Variants in RXRA observed in about 807,000 individuals in gnomAD.
The protein encoded by RXRA is retinoic acid receptor RXR-alpha.
A neutral mutation model predicts 44.5 loss-of-function variants in RXRA; 5 were observed. The ratio of observed to expected loss-of-function variants is 0.11; its 90% CI spans 0.06 to 0.24. The LOEUF (loss-of-function observed/expected upper bound fraction) is 0.24. Among genes scored for constraint, RXRA ranks in the 10% least tolerant of loss-of-function variants. RXRA has a pLI of 1.00. For missense variants in RXRA, 412 were observed against 646.5 expected (o/e 0.64, Z 3.93); for synonymous variants, 291 against 271.4 (o/e 1.07, Z -0.71).
At chr9:134,363,794 C>T (rs995644881) in intron 1 of RXRA, among the ~76,000 whole-genome samples, 7 of 152,158 alleles carry the variant, frequency 4.6e-5, no homozygotes, top group African/African-American at 1.4e-4. Context: ...GCCGGAGGTG[C>T]GACCTGAGCA....
chr9:134,398,876 C>T (rs1830919258), intron 1 of RXRA, among the ~76,000 whole-genome samples: 1 of 152,246 alleles, frequency 6.6e-6, no homozygotes, highest in Non-Finnish European at 1.5e-5. Context: ...GTTTGGGCTC[C>T]CTGCATGGCC....
rs1830418149 is a variant in RXRA at position 134,366,619 on chromosome 9, C to G, written c.29-35013C>G. On this transcript the variant is annotated intron_variant, in intron 1 of 9. Transcript: ENST00000481739. The surrounding 1 kb of genome is among the most constrained non-coding windows in gnomAD (Gnocchi z 5.9). ...GGGGCAGGGAGGAAGGGCCCCTCCACTAGTGGGCTTTGGCCTCCTCGTGAG... is the reference window on the plus strand; with the variant it reads ...GGGGCAGGGAGGAAGGGCCCCTCCAGTAGTGGGCTTTGGCCTCCTCGTGAG... Among the ~76,000 whole-genome samples the G allele has an allele frequency of 6.6e-6, 1 of 152,160 alleles. No homozygotes were observed. The highest frequency in any genetic ancestry group is 1.5e-5 in the Non-Finnish European group (1 of 68,000).
At position 134,424,227 on chromosome 9, in the gene RXRA, G is replaced by A. The variant is rs553777921; in HGVS notation, c.910+2422G>A. ...TGCAGCTGTCAGGTGGGGGCTCCCC[G>A]CAAGGCCCTTCCCTTAGCCCAGAGC... On this transcript the variant is annotated intron_variant, in intron 6 of 9. Transcript: ENST00000481739. 18 of 985,384 alleles carry A rather than the reference G, an allele frequency of 1.8e-5. No individual in the cohort carries two copies. The South Asian group carries it at 8.0e-4, about 44-fold the overall frequency. 61.0% of individuals were successfully genotyped at this position (985,384 alleles called of 1,614,324 possible). A position where few individuals can be genotyped will look rare whatever the true frequency, so the allele number is the denominator to read the frequency against.
rs1554749155 is a variant in RXRA, at chr9:134,349,143, C to T, written c.28+22484C>T. Among the ~76,000 whole-genome samples, 1 of 152,208 alleles carries T rather than the reference C, an allele frequency of 6.6e-6. No individual in the cohort carries two copies. The highest frequency in any genetic ancestry group is 1.5e-5 in the Non-Finnish European group (1 of 68,038). On this transcript the variant is annotated intron_variant, in intron 1 of 9. Coordinates refer to ENST00000481739, the MANE Select transcript of RXRA (RefSeq NM_002957.6). This position sits in a 1 kb window ranked among gnomAD's most constrained non-coding sequence, Gnocchi z 4.3. ...CGAGGGCCAGGAGGGGTCCTGAACA[C>T]TGCCCTGCCTCATGAGGGCCTGCAC...
chr9:134,352,936 T>G (rs1830239500), intron 1 of RXRA, among the ~76,000 whole-genome samples: 1 of 152,176 alleles, frequency 6.6e-6, no homozygotes, highest in Non-Finnish European at 1.5e-5. Context: ...TCTTCTCTCC[T>G]TGGGGACACT....
At chr9:134,432,892 A>C (rs1588310970) in intron 8 of RXRA, among the ~76,000 whole-genome samples, 1 of 152,166 alleles carries the variant, frequency 6.6e-6, no homozygotes, top group East Asian at 1.9e-4. Flanking sequence ...TCTTGGGGCC[A>C]CAGGGAGCCA....
chr9:134,364,122 C>T (rs1253732603), intron 1 of RXRA, among the ~76,000 whole-genome samples: 1 of 152,192 alleles, frequency 6.6e-6, no homozygotes, highest in Non-Finnish European at 1.5e-5. Flanking sequence ...CCTCCACAAC[C>T]GTGATGTTGC....
At chr9:134,388,973 C>G (rs1338218047) in intron 1 of RXRA, among the ~76,000 whole-genome samples, 1 of 152,178 alleles carries the variant, frequency 6.6e-6, no homozygotes, top group East Asian at 1.9e-4. Context: ...GTGCTGGATG[C>G]CCCAGAGGGC....
At chr9:134,393,263 A>T (rs73556208) in intron 1 of RXRA, among the ~76,000 whole-genome samples, 7,340 of 152,272 alleles carry the variant, frequency 0.048, 622 homozygotes, top group African/African-American at 0.17. Context: ...GCATGACACA[A>T]CCAGGAGGCT....
At chr9:134,415,470 T>TGGGAGGGG (rs1831218170) in intron 4 of RXRA, among the ~76,000 whole-genome samples, 6 of 7,920 alleles carry the variant, frequency 7.6e-4, no homozygotes, top group African/African-American at 2.3e-3. Context: ...AGCCAGAGGG[T>TGGGAGGGG]GGGAGGGTGG....
intron 6 of RXRA, chr9:134,425,487 C>T (rs77267056): frequency 0.088 from 86,699 of 982,640 alleles, 4,327 homozygotes; most frequent in African/African-American, 0.19. Flanking sequence ...GTGTTAGCTG[C>T]TCCAGCGGGG....
chr9:134,425,769 C>T lies in RXRA; in HGVS notation c.911-3339C>T, dbSNP rs554487016. On this transcript the variant is annotated intron_variant, in intron 6 of 9. Coordinates refer to ENST00000481739, the MANE Select transcript of RXRA (RefSeq NM_002957.6). ...GGCTCTTGTCACTGCCGCCCTGGGA[C>T]GGGATCCCCATCACAAGCCCCATGG... 6 of 985,378 alleles carry T rather than the reference C, an allele frequency of 6.1e-6. No individual in the cohort carries two copies. The East Asian group carries it at 4.5e-4, about 75-fold the overall frequency. The allele number at this position is 985,378 out of a possible 1,614,324, so 61.0% of individuals were successfully genotyped here.
chr9:134,337,877 GA>G (rs1830030326), intron 1 of RXRA, among the ~76,000 whole-genome samples: 1 of 152,100 alleles, frequency 6.6e-6, no homozygotes, highest in South Asian at 2.1e-4. Context: ...TCTCCAAAAA[GA>G]AACGAGACAG....
intron 1 of RXRA, chr9:134,379,738 G>A (rs1228776423): frequency 2.0e-6 from 2 of 985,394 alleles, no homozygotes; most frequent in Non-Finnish European, 2.4e-6. Context: ...CGTGGGTCCA[G>A]CTCAGCCCCT....
intron 1 of RXRA, among the ~76,000 whole-genome samples, chr9:134,377,233 T>C (rs1564276230): frequency 6.6e-6 from 1 of 152,230 alleles, no homozygotes; most frequent in Non-Finnish European, 1.5e-5. Context: ...TTGGGGTTAC[T>C]GATCTCCGCC....
chr9:134,405,943 C>T (rs1051834908), intron 2 of RXRA: 1 of 152,360 alleles, frequency 6.6e-6, no homozygotes. Flanking sequence ...GCCCCTGTGC[C>T]TGGGACACCC....
chr9:134,378,226 T>A (rs1186676394), intron 1 of RXRA, among the ~76,000 whole-genome samples: 1 of 152,150 alleles, frequency 6.6e-6, no homozygotes, highest in Non-Finnish European at 1.5e-5. Context: ...GGGAGATGAG[T>A]CCCTGGCTGG....
Position 134,436,640 on chromosome 9 carries a change from A to C in RXRA, c.*26A>C, listed in dbSNP as rs1299068482. 1.2e-6 allele frequency: 2 copies of C among 1,612,720 alleles called. No homozygotes were observed. Among genetic ancestry groups the C allele is most frequent in the African/African-American group, 2.7e-5 (2 of 74,924 alleles). Reference sequence around the variant, plus strand: ...GCCTGCGGGCCCATCCTTTGTGCCCACCCGTTCTGGCCACCCTGCCTGGAC... The same window carrying C: ...GCCTGCGGGCCCATCCTTTGTGCCCCCCCGTTCTGGCCACCCTGCCTGGAC... On this transcript the variant is annotated 3_prime_UTR_variant, in exon 10 of 10. Transcript: ENST00000481739.
intron 1 of RXRA, among the ~76,000 whole-genome samples, chr9:134,355,157 G>A (rs1830267870): frequency 6.6e-6 from 1 of 152,212 alleles, no homozygotes; most frequent in Non-Finnish European, 1.5e-5. Flanking sequence ...ATCTCTGCAG[G>A]CACATCTCTG....
Sources: allele counts gnomAD v4.1 joint callset (sites outside exome capture counted in the v4.1 genomes callset), GRCh38; gene constraint gnomAD v4.1.1; non-coding constraint Gnocchi (gnomAD v3.1); transcripts MANE v1.5; gene names NCBI Gene and HGNC (gene_info 2026-07-23, HGNC 2026-07-21).